SNTG2: variants seen among roughly 807,000 people sequenced by gnomAD.
SNTG2 encodes gamma-2-syntrophin.
SNTG2 carries 74 observed loss-of-function variants against 70.9 expected under a neutral mutation model. The observed-to-expected ratio is 1.04, with a 90% CI of 0.86 to 1.27. The LOEUF is 1.27. Ranked by LOEUF, SNTG2 falls within the 50% of genes most tolerant of loss-of-function variation. SNTG2 has a pLI of 0.00. For missense variants in SNTG2, 717 were observed against 690.7 expected (o/e 1.04, Z -0.43); for synonymous variants, 278 against 273.8 (o/e 1.02, Z -0.15).
At chr2:995,746 A>G (rs1182593533) in intron 1 of SNTG2, among the ~76,000 whole-genome samples, 1 of 152,122 alleles carries the variant, frequency 6.6e-6, no homozygotes, top group African/African-American at 2.4e-5. Context: ...TTTTTCTAGG[A>G]ATGTGTCAAT....
At chr2:1,017,047 G>C (rs192665367) in intron 1 of SNTG2, among the ~76,000 whole-genome samples, 10 of 152,288 alleles carry the variant, frequency 6.6e-5, no homozygotes, top group African/African-American at 2.4e-4. Flanking sequence ...CTCTAGGCTA[G>C]TGCTGGTTCA....
At chr2:974,230 C>T (rs566385006) in intron 1 of SNTG2, among the ~76,000 whole-genome samples, 2 of 152,266 alleles carry the variant, frequency 1.3e-5, no homozygotes, top group East Asian at 1.9e-4. Flanking sequence ...TCACATCCTC[C>T]GAGGTGGGCT....
At chr2:1,193,287 G>C (rs1457860437) in intron 8 of SNTG2, among the ~76,000 whole-genome samples, 3 of 152,182 alleles carry the variant, frequency 2.0e-5, no homozygotes, top group Non-Finnish European at 2.9e-5. Context: ...TCAGGTGGCA[G>C]GTGGACAACT....
At chr2:1,235,948 C>T (rs1380307851) in intron 9 of SNTG2, among the ~76,000 whole-genome samples, 9 of 151,870 alleles carry the variant, frequency 5.9e-5, no homozygotes, top group East Asian at 3.9e-4. Flanking sequence ...GAGTTGTGTG[C>T]GTGTGTGTGT....
intron 16 of SNTG2, among the ~76,000 whole-genome samples, chr2:1,340,008 T>G (rs1397280657): frequency 1.3e-5 from 2 of 152,154 alleles, no homozygotes; most frequent in African/African-American, 4.8e-5. Flanking sequence ...TGCTTCCGGG[T>G]GCTCCCAGAG....
At chr2:1,229,546 C>A (rs1193768670) in intron 9 of SNTG2, among the ~76,000 whole-genome samples, 2 of 152,278 alleles carry the variant, frequency 1.3e-5, no homozygotes, top group African/African-American at 4.8e-5. Flanking sequence ...CCCAGTGGAT[C>A]CGGCACCGGG....
chr2:1,149,882 GT>G (rs35166556), intron 6 of SNTG2, among the ~76,000 whole-genome samples: 5 of 151,012 alleles, frequency 3.3e-5, no homozygotes, highest in African/African-American at 1.2e-4. Flanking sequence ...TAGAGACGGG[GT>G]TTCACCATGT....
chr2:989,987 G>A (rs1015807490), intron 1 of SNTG2, among the ~76,000 whole-genome samples: 12 of 152,220 alleles, frequency 7.9e-5, no homozygotes, highest in African/African-American at 1.9e-4. Flanking sequence ...TCACGGCTCC[G>A]CTCTGTGTCC....
At chr2:1,060,515 CA>C (rs1464363783) in intron 1 of SNTG2, among the ~76,000 whole-genome samples, 1 of 152,144 alleles carries the variant, frequency 6.6e-6, no homozygotes, top group Non-Finnish European at 1.5e-5. Context: ...TTCTTCTTCA[CA>C]AAAGGGAACC....
At chr2:1,298,082 A>G (rs1256121863) in intron 14 of SNTG2, among the ~76,000 whole-genome samples, 1 of 152,186 alleles carries the variant, frequency 6.6e-6, no homozygotes, top group Non-Finnish European at 1.5e-5. Context: ...ATTTCAATCT[A>G]TCAGCATGTC....
chr2:1,061,206 G>A (rs1662799733), intron 1 of SNTG2, among the ~76,000 whole-genome samples: 1 of 152,148 alleles, frequency 6.6e-6, no homozygotes, highest in Non-Finnish European at 1.5e-5. Context: ...ATGACAAAAG[G>A]TGAACAGGTT....
intron 1 of SNTG2, among the ~76,000 whole-genome samples, chr2:1,011,578 G>A (rs1485876329): frequency 1.3e-5 from 2 of 152,124 alleles, no homozygotes; most frequent in Non-Finnish European, 2.9e-5. Context: ...CTTGTGAGCA[G>A]CATAAAAAAC....
intron 8 of SNTG2, among the ~76,000 whole-genome samples, chr2:1,187,796 A>G (rs1672337263): frequency 6.6e-6 from 1 of 152,230 alleles, no homozygotes; most frequent in Admixed American, 6.5e-5. Context: ...AAAATAGTGC[A>G]GTATTATTTT....
Position 1,137,668 on chromosome 2 carries a change from C to G in SNTG2, c.369+3C>G. On this transcript the variant is annotated splice_donor_region_variant and intron_variant, in intron 5 of 16. Coordinates refer to ENST00000308624, the MANE Select transcript of SNTG2 (RefSeq NM_018968.4). ...TCGTAGGAGATGCTGTTCTCCAGGT[C>G]AGTATTGTACACGTTAATCCTTAAC... 6.2e-7 allele frequency: 1 copy of G among 1,613,418 alleles called. No individual in the cohort carries two copies. Among genetic ancestry groups the G allele is most frequent in the Non-Finnish European group, 8.5e-7 (1 of 1,179,724 alleles).
intron 9 of SNTG2, among the ~76,000 whole-genome samples, chr2:1,209,744 C>T (rs534266530): frequency 6.6e-6 from 1 of 152,216 alleles, no homozygotes; most frequent in South Asian, 2.1e-4. Context: ...TGTAGCTTTT[C>T]GAGTAGAAAA....
chr2:1,112,543 T>G (rs1421620817), intron 4 of SNTG2, among the ~76,000 whole-genome samples: 2 of 151,628 alleles, frequency 1.3e-5, no homozygotes, highest in Non-Finnish European at 2.9e-5. Context: ...TTCAGAAAGA[T>G]CGTGTGTACT....
chr2:1,305,279 G>GT (rs1188033773), intron 14 of SNTG2, among the ~76,000 whole-genome samples: 1 of 152,206 alleles, frequency 6.6e-6, no homozygotes, highest in Non-Finnish European at 1.5e-5. Context: ...CACCAAATGA[G>GT]TTACATGGAC....
intron 1 of SNTG2, among the ~76,000 whole-genome samples, chr2:977,421 G>C (rs541927434): frequency 6.6e-6 from 1 of 152,092 alleles, no homozygotes; most frequent in East Asian, 1.9e-4. Context: ...GGGAAAGTTC[G>C]CTGGATTTAA....
chr2:1,228,076 G>A (rs1042768750), intron 9 of SNTG2, among the ~76,000 whole-genome samples: 16 of 152,134 alleles, frequency 1.1e-4, no homozygotes, highest in Non-Finnish European at 2.1e-4. Context: ...TGCACTGTGT[G>A]GACTGAGTGC....
Sources: gnomAD v4.1 joint callset for allele counts (sites outside exome capture counted in the v4.1 genomes callset) on GRCh38, gnomAD v4.1.1 for gene constraint, MANE v1.5 for transcripts, NCBI Gene and HGNC (gene_info 2026-07-23, HGNC 2026-07-21) for gene names.